The following TMEM132D variants were observed in gnomAD, a reference collection of about 807,000 sequenced individuals.
TMEM132D encodes mature OL transmembrane protein.
In TMEM132D, 21 loss-of-function variants were observed where a neutral mutation model predicts 62.3. The ratio of observed to expected loss-of-function variants is 0.34; its 90% CI spans 0.24 to 0.49. The LOEUF (loss-of-function observed/expected upper bound fraction) is 0.49, where lower values mean the gene tolerates loss of function less well. TMEM132D is among the 20% of genes least tolerant of loss of function. The pLI is 0.99. For missense variants in TMEM132D, 1,346 were observed against 1,402.8 expected, an observed-to-expected ratio of 0.96 and a Z score of 0.65; for synonymous variants, 621 against 575.6, an observed-to-expected ratio of 1.08 and a Z score of -1.13.
rs117018201 is a variant in TMEM132D, at chr12:129,882,483, C to T, written c.79+20778G>A. Among the ~76,000 whole-genome samples the T allele has an allele frequency of 6.7e-3, 1,013 of 152,210 alleles. 7 individuals carry two copies. The highest frequency in any genetic ancestry group is 0.01 in the Middle Eastern group (3 of 294). The stretch of plus-strand genomic sequence containing the variant: ...GTATTTGAAAATAAATCAGTGTAAT[C>T]CACCACGTCATCCAGCTTACTAAGA... On this transcript the variant is annotated intron_variant, in intron 1 of 8. Transcript: ENST00000422113.
Position 129,364,382 on chromosome 12 carries a change from T to C in TMEM132D, c.1116-26565A>G, listed in dbSNP as rs113050645. ...TGTGGTACATCTTTAAATTGTTCAG[T>C]GTACAACCTGTACAACTGTATGAGG... On this transcript the variant is annotated intron_variant, in intron 3 of 8. Transcript: ENST00000422113. 1.3e-3 allele frequency among the ~76,000 whole-genome samples: 204 copies of C among 152,336 alleles called. 2 individuals carry two copies. Among genetic ancestry groups the C allele is most frequent in the African/African-American group, 4.7e-3 (197 of 41,576 alleles).
At chr12:129,653,379 G>C (rs1480420762) in intron 2 of TMEM132D, among the ~76,000 whole-genome samples, 1 of 152,180 alleles carries the variant, frequency 6.6e-6, no homozygotes, top group African/African-American at 2.4e-5. Context: ...ATGGTATGGG[G>C]CCCGTGAACA....
chr12:129,789,934 G>C (rs1482281960), intron 1 of TMEM132D, among the ~76,000 whole-genome samples: 1 of 152,198 alleles, frequency 6.6e-6, no homozygotes, highest in East Asian at 1.9e-4. Context: ...TTAGCACAGA[G>C]ATTATTTTTT....
intron 4 of TMEM132D, among the ~76,000 whole-genome samples, chr12:129,247,191 G>T (rs149124537): frequency 6.6e-6 from 1 of 152,296 alleles, no homozygotes; most frequent in East Asian, 1.9e-4. Flanking sequence ...ACAAATTGCT[G>T]TCAATTTATA....
intron 4 of TMEM132D, among the ~76,000 whole-genome samples, chr12:129,229,251 T>C (rs1382370351): frequency 6.6e-6 from 1 of 152,252 alleles, no homozygotes; most frequent in Non-Finnish European, 1.5e-5. Context: ...AATCTGGTGA[T>C]TTATCAGTCT....
chr12:129,799,229 C>A (rs1278689712), intron 1 of TMEM132D, among the ~76,000 whole-genome samples: 1 of 152,102 alleles, frequency 6.6e-6, no homozygotes, highest in Admixed American at 6.5e-5. Flanking sequence ...CGCGCCACTG[C>A]ACTCCAGCCT....
At chr12:129,372,220 C>G (rs1320848506) in intron 3 of TMEM132D, among the ~76,000 whole-genome samples, 7 of 152,186 alleles carry the variant, frequency 4.6e-5, no homozygotes, top group Non-Finnish European at 4.4e-5. Flanking sequence ...CCCAATGAGA[C>G]TGACTTCAGA....
chr12:129,458,391 G>C lies in TMEM132D; in HGVS notation c.1115+72668C>G, dbSNP rs74777154. ...GCTAGCATTTGCCTATATCAGAGTGGGCAGAGGTTTTTTTTTTTTTGTCTT... is the reference window on the plus strand; with the variant it reads ...GCTAGCATTTGCCTATATCAGAGTGCGCAGAGGTTTTTTTTTTTTTGTCTT... On this transcript the variant is annotated intron_variant, in intron 3 of 8. Transcript: ENST00000422113. 5.9e-3 allele frequency among the ~76,000 whole-genome samples: 758 copies of C among 129,344 alleles called. 3 individuals carry two copies. The highest frequency in any genetic ancestry group is 8.1e-3 in the Non-Finnish European group (497 of 61,408). The allele number at this position is 129,344 out of a possible 152,430, so 84.9% of individuals were successfully genotyped here.
At chr12:129,820,814 C>A (rs1420683123) in intron 1 of TMEM132D, among the ~76,000 whole-genome samples, 1 of 152,158 alleles carries the variant, frequency 6.6e-6, no homozygotes, top group Non-Finnish European at 1.5e-5. Flanking sequence ...GCCTCAAACT[C>A]GTGGGCTCAA....
chr12:129,610,820 A>G (rs1878756131), intron 2 of TMEM132D, among the ~76,000 whole-genome samples: 1 of 152,224 alleles, frequency 6.6e-6, no homozygotes, highest in African/African-American at 2.4e-5. Flanking sequence ...ATTAGGAAGT[A>G]AACAGCATAT....
intron 2 of TMEM132D, among the ~76,000 whole-genome samples, chr12:129,684,837 T>C (rs1880867794): frequency 6.6e-6 from 1 of 151,966 alleles, no homozygotes; most frequent in Non-Finnish European, 1.5e-5. Flanking sequence ...TTTTGGGAAC[T>C]GGAGTAAAAG....
chr12:129,676,554 T>C lies in TMEM132D; in HGVS notation c.968+23256A>G, dbSNP rs558417172. On this transcript the variant is annotated intron_variant, in intron 2 of 8. Transcript: ENST00000422113. Reference sequence around the variant, plus strand: ...TACAGAGGAGGGGGAAGGGAGCCAGTGTTTCACATGGCGAGAGCGGGAGGC... The same window carrying C: ...TACAGAGGAGGGGGAAGGGAGCCAGCGTTTCACATGGCGAGAGCGGGAGGC... Among the ~76,000 whole-genome samples, 7 of 152,326 alleles carry C rather than the reference T, an allele frequency of 4.6e-5. No homozygotes were observed. In the South Asian group the frequency reaches 6.2e-4, roughly 14 times the overall value.
chr12:129,537,047 C>T (rs1471265874), intron 2 of TMEM132D, among the ~76,000 whole-genome samples: 3 of 151,190 alleles, frequency 2.0e-5, no homozygotes, highest in African/African-American at 7.3e-5. Context: ...TCCCACCCAG[C>T]TACTCAGGAG....
At chr12:129,102,337 C>T (rs1280308009) in intron 5 of TMEM132D, among the ~76,000 whole-genome samples, 1 of 151,318 alleles carries the variant, frequency 6.6e-6, no homozygotes, top group South Asian at 2.1e-4. Flanking sequence ...TACACATGCA[C>T]ACACATGCAT....
At chr12:129,305,042 C>T (rs1354020528) in intron 4 of TMEM132D, among the ~76,000 whole-genome samples, 1 of 152,210 alleles carries the variant, frequency 6.6e-6, no homozygotes, top group Admixed American at 6.5e-5. Flanking sequence ...ACACTTTCCA[C>T]TAACTAGACT....
chr12:129,596,057 A>C (rs1003999211), intron 2 of TMEM132D, among the ~76,000 whole-genome samples: 1 of 152,242 alleles, frequency 6.6e-6, no homozygotes, highest in African/African-American at 2.4e-5. Flanking sequence ...AGCCAGTATG[A>C]CTGAGAAGCT....
intron 5 of TMEM132D, among the ~76,000 whole-genome samples, chr12:129,155,625 G>T (rs983877358): frequency 2.6e-5 from 4 of 152,176 alleles, no homozygotes; most frequent in Admixed American, 2.0e-4. Flanking sequence ...ATCTAGCAAG[G>T]GCCTTCATGC....
chr12:129,893,366 T>C (rs929123429), intron 1 of TMEM132D, among the ~76,000 whole-genome samples: 1 of 152,192 alleles, frequency 6.6e-6, no homozygotes, highest in African/African-American at 2.4e-5. Context: ...ATCAGGATTA[T>C]GATTTCTTTT....
At position 129,779,177 on chromosome 12, in the gene TMEM132D, G is replaced by A. The variant is rs996586489; in HGVS notation, c.80-78479C>T. Among the ~76,000 whole-genome samples the A allele has an allele frequency of 6.6e-6, 1 of 152,206 alleles. No homozygotes were observed. Among genetic ancestry groups the A allele is most frequent in the South Asian group, 2.1e-4 (1 of 4,832 alleles). Reference sequence around the variant, plus strand: ...CAGGAAGGATACAAGGCCTTAGGAAGGATCCATCTGGAAAGCCCCATTTGA... The same window carrying A: ...CAGGAAGGATACAAGGCCTTAGGAAAGATCCATCTGGAAAGCCCCATTTGA... On this transcript the variant is annotated intron_variant, in intron 1 of 8. Transcript: ENST00000422113. This position sits in a 1 kb window ranked among gnomAD's most constrained non-coding sequence, Gnocchi z 4.1.
Sources: allele counts gnomAD v4.1 joint callset (sites outside exome capture counted in the v4.1 genomes callset), GRCh38; gene constraint gnomAD v4.1.1; non-coding constraint Gnocchi (gnomAD v3.1); transcripts MANE v1.5; gene names NCBI Gene and HGNC (gene_info 2026-07-23, HGNC 2026-07-21).